CDK8: variants seen among roughly 807,000 people sequenced by gnomAD.
CDK8 encodes cyclin dependent kinase 8.
In CDK8, 29 loss-of-function variants were observed where a neutral mutation model predicts 71.5. The observed-to-expected ratio is 0.41, with a 90% CI of 0.30 to 0.55. The LOEUF (loss-of-function observed/expected upper bound fraction) is 0.55. CDK8 is among the 20% of genes least tolerant of loss of function. CDK8 has a pLI of 0.37. For missense variants in CDK8, 288 were observed against 572.6 expected (o/e 0.50, Z 5.07); for synonymous variants, 161 against 192.1 (o/e 0.84, Z 1.34).
chr13:26,287,534 A>G (rs954862487), intron 1 of CDK8, among the ~76,000 whole-genome samples: 1 of 152,232 alleles, frequency 6.6e-6, no homozygotes, highest in Non-Finnish European at 1.5e-5. Flanking sequence ...ATGCAAAGGC[A>G]TAAGAGTGAT....
chr13:26,289,667 C>G (rs1391220690), intron 1 of CDK8, among the ~76,000 whole-genome samples: 1 of 152,088 alleles, frequency 6.6e-6, no homozygotes, highest in African/African-American at 2.4e-5. Context: ...TCTCCTGCCT[C>G]AGCCTCCCGA....
chr13:26,328,771 GTTTTGGAAATTATGTCTT>G (rs1875147445), intron 1 of CDK8, among the ~76,000 whole-genome samples: 1 of 152,174 alleles, frequency 6.6e-6, no homozygotes, highest in South Asian at 2.1e-4. Context: ...GACCCTTCCA[GTTTTGGAAATTATGTCTT>G]TCAATTTGGA....
intron 2 of CDK8, among the ~76,000 whole-genome samples, chr13:26,341,072 G>A (rs1359224667): frequency 6.6e-6 from 1 of 152,160 alleles, no homozygotes; most frequent in African/African-American, 2.4e-5. Context: ...GGGGAGCAGA[G>A]GTAAAGCTCT....
rs574141920 is a variant in CDK8 at position 26,397,514 on chromosome 13, G to T, written c.933+289G>T. Among the ~76,000 whole-genome samples the T allele has an allele frequency of 4.0e-5, 6 of 151,722 alleles. No homozygotes were observed. In the South Asian group the frequency reaches 1.2e-3, roughly 31 times the overall value. On this transcript the variant is annotated intron_variant, in intron 9 of 12. Transcript: ENST00000381527. ...TATAAAATTACATGTATTGTTTTTCGTCTGTTTAAGATTTTAAAAGTTCCA... is the reference window on the plus strand; with the variant it reads ...TATAAAATTACATGTATTGTTTTTCTTCTGTTTAAGATTTTAAAAGTTCCA...
chr13:26,372,320 T>C (rs1874728952), intron 4 of CDK8, among the ~76,000 whole-genome samples: 2 of 152,312 alleles, frequency 1.3e-5, no homozygotes, highest in South Asian at 2.1e-4. Flanking sequence ...TGGGGAATTG[T>C]ACAAATAGGC....
intron 2 of CDK8, among the ~76,000 whole-genome samples, chr13:26,337,988 A>G (rs575193354): frequency 1.6e-4 from 24 of 152,244 alleles, no homozygotes; most frequent in Middle Eastern, 6.8e-3. Flanking sequence ...AATGAGACTA[A>G]TGTCATTAGT....
chr13:26,398,975 A>AT (rs984587479), intron 9 of CDK8, among the ~76,000 whole-genome samples: 4 of 151,486 alleles, frequency 2.6e-5, no homozygotes, highest in Admixed American at 2.0e-4. Flanking sequence ...AAAAAAAAAA[A>AT]AATGTCTTTT....
intron 1 of CDK8, among the ~76,000 whole-genome samples, chr13:26,334,480 C>T (rs997544083): frequency 5.3e-5 from 8 of 151,958 alleles, no homozygotes; most frequent in Admixed American, 1.3e-4. Context: ...TTTCAGAAAC[C>T]ATTCAGACAG....
chr13:26,301,759 C>G (rs1873834406), intron 1 of CDK8, among the ~76,000 whole-genome samples: 1 of 152,188 alleles, frequency 6.6e-6, no homozygotes, highest in African/African-American at 2.4e-5. Flanking sequence ...TAATTTTATT[C>G]CAATTCCCTT....
At chr13:26,278,530 A>G (rs577379467) in intron 1 of CDK8, among the ~76,000 whole-genome samples, 32 of 152,320 alleles carry the variant, frequency 2.1e-4, no homozygotes, top group African/African-American at 7.0e-4. Flanking sequence ...TGGCAGTGCC[A>G]TTAACTGAGA....
At chr13:26,259,490 A>G (rs1393932119) in intron 1 of CDK8, among the ~76,000 whole-genome samples, 9 of 152,178 alleles carry the variant, frequency 5.9e-5, no homozygotes, top group Non-Finnish European at 1.3e-4. Flanking sequence ...ATAGGACACC[A>G]TTTTATATTA....
At chr13:26,353,925 G>A (rs756996945) in intron 4 of CDK8, 45 bp downstream of exon 4, 1 of 1,562,314 alleles carries the variant, frequency 6.4e-7, no homozygotes, top group Non-Finnish European at 8.8e-7. Flanking sequence ...ATGCATTACA[G>A]TTGGATACTT....
rs1874877924 is a variant in CDK8 at position 26,323,344 on chromosome 13, AGG to A, written c.129-14221_129-14220del. Among the ~76,000 whole-genome samples, 18 of 137,238 alleles carry A rather than the reference AGG, an allele frequency of 1.3e-4. 2 individuals are homozygous for A. In the South Asian group the frequency reaches 4.1e-3, roughly 31 times the overall value. 90.0% of individuals were successfully genotyped at this position (137,238 alleles called of 152,430 possible). A position where few individuals can be genotyped will look rare whatever the true frequency, so the allele number is the denominator to read the frequency against. ...GAGAGAGAGGGAGAGAGAGAGGGAG[AGG>A]GAGAGGGAGAGGGAGAGGGAGAGGG... On this transcript the variant is annotated intron_variant, in intron 1 of 12. Coordinates refer to ENST00000381527, the MANE Select transcript of CDK8 (RefSeq NM_001260.3).
intron 1 of CDK8, among the ~76,000 whole-genome samples, chr13:26,279,628 T>C (rs536018290): frequency 1.3e-5 from 2 of 152,202 alleles, no homozygotes; most frequent in African/African-American, 2.4e-5. Context: ...GGCGTAGGGA[T>C]TCAATTAAAA....
chr13:26,329,737 C>CA (rs1272691461), intron 1 of CDK8, among the ~76,000 whole-genome samples: 1 of 152,082 alleles, frequency 6.6e-6, no homozygotes, highest in East Asian at 1.9e-4. Context: ...CTCCTGACCT[C>CA]AGGTGATCCG....
intron 2 of CDK8, among the ~76,000 whole-genome samples, chr13:26,348,732 A>G (rs774368099): frequency 6.6e-6 from 1 of 152,190 alleles, no homozygotes; most frequent in Non-Finnish European, 1.5e-5. Context: ...ATCGCAGAAC[A>G]TTGTGAATAT....
intron 1 of CDK8, among the ~76,000 whole-genome samples, chr13:26,306,795 A>C (rs1874065478): frequency 6.6e-6 from 1 of 151,650 alleles, no homozygotes; most frequent in African/African-American, 2.4e-5. Flanking sequence ...CACCTGGCTA[A>C]TTTTTGTATT....
chr13:26,271,779 G>C, intron 1 of CDK8, among the ~76,000 whole-genome samples: 1 of 147,728 alleles, frequency 6.8e-6, no homozygotes, highest in African/African-American at 2.5e-5. Flanking sequence ...CACTGTAGAG[G>C]GCCTGGGGGA....
chr13:26,315,661 T>G (rs1874476743), intron 1 of CDK8, among the ~76,000 whole-genome samples: 1 of 152,232 alleles, frequency 6.6e-6, no homozygotes, highest in African/African-American at 2.4e-5. Flanking sequence ...GGATGTTTTC[T>G]GGAATCTGAC....
Sources: allele counts gnomAD v4.1 joint callset (sites outside exome capture counted in the v4.1 genomes callset), GRCh38; gene constraint gnomAD v4.1.1; transcripts MANE v1.5; gene names NCBI Gene and HGNC (gene_info 2026-07-23, HGNC 2026-07-21).